Variants in ADAMTS2 observed in about 807,000 individuals in gnomAD.
The protein encoded by ADAMTS2 is A disintegrin and metalloproteinase with thrombospondin motifs 2.
Under a neutral mutation model 123.0 loss-of-function variants are expected in ADAMTS2, and 50 were observed. The observed-to-expected ratio is 0.41, with a 90% CI of 0.32 to 0.51. The LOEUF (loss-of-function observed/expected upper bound fraction) is 0.51. Ranked by LOEUF, ADAMTS2 falls within the 20% of genes least tolerant of loss-of-function variation. The pLI, the probability that ADAMTS2 is intolerant of heterozygous loss-of-function variation, is 0.35. For missense variants in ADAMTS2, 1,494 were observed against 1,705.2 expected, an observed-to-expected ratio of 0.88 and a Z score of 2.18; for synonymous variants, 678 against 695.4, an observed-to-expected ratio of 0.98 and a Z score of 0.39.
rs565885690 is a variant in ADAMTS2 at position 179,345,261 on chromosome 5, A to G, written c.68T>C (p.Leu23Pro). The G allele has an allele frequency of 0.01, 9,497 of 939,412 alleles. 39 individuals are homozygous for G. The highest frequency in any genetic ancestry group is 0.025 in the Middle Eastern group (55 of 2,216). The allele number at this position is 939,412 out of a possible 1,614,324, so 58.2% of individuals were successfully genotyped here. ...CPALLLLLLL[L>P]PPPLLPPPPP... ...CGGCGGCGGCAGGAGCGGCGGCGGC[A>G]GCAGCAGCAGCAGCAGCAGCAGCGC... The change falls in exon 1 of 22, where the codon CTG (leucine) becomes CCG (proline). Residue 23 changes from leucine to proline, a missense_variant. By Grantham distance (98) the Leu-to-Pro change is moderately conservative. Transcript: ENST00000251582. This position sits in a 1 kb window ranked among gnomAD's most constrained non-coding sequence, Gnocchi z 7.5.
chr5:179,273,135 C>A (rs1581236321), intron 2 of ADAMTS2, 71 bp from the exon 3 acceptor site: 2 of 1,607,330 alleles, frequency 1.2e-6, no homozygotes, highest in East Asian at 2.2e-5. Context: ...AGCGAGGAGA[C>A]CCCCTCAGGG....
chr5:179,292,183 CG>C (rs35974959), intron 2 of ADAMTS2, among the ~76,000 whole-genome samples: 1 of 151,872 alleles, frequency 6.6e-6, no homozygotes, highest in East Asian at 1.9e-4. Flanking sequence ...CCGGCATTCC[CG>C]GGGGCAGAGA....
At chr5:179,126,285 TG>T (rs1198459514) in intron 17 of ADAMTS2, among the ~76,000 whole-genome samples, 155 bp from the exon 18 acceptor site, 1 of 152,122 alleles carries the variant, frequency 6.6e-6, no homozygotes, top group Non-Finnish European at 1.5e-5. Context: ...TGCGGCTGGC[TG>T]GGGGGAGGCC....
At chr5:179,325,244 C>A (rs1219162546) in intron 2 of ADAMTS2, among the ~76,000 whole-genome samples, 4 of 152,134 alleles carry the variant, frequency 2.6e-5, no homozygotes, top group South Asian at 4.1e-4. Flanking sequence ...TCAGGAGGGG[C>A]CTTGAATGCT....
intron 5 of ADAMTS2, among the ~76,000 whole-genome samples, chr5:179,164,062 G>A (rs946580389): frequency 1.1e-4 from 16 of 152,200 alleles, no homozygotes; most frequent in African/African-American, 3.4e-4. Flanking sequence ...AAGAAGTAGA[G>A]GAGAGGGTTA....
At chr5:179,201,068 C>T (rs1175250451) in intron 4 of ADAMTS2, among the ~76,000 whole-genome samples, 3 of 152,170 alleles carry the variant, frequency 2.0e-5, no homozygotes, top group East Asian at 1.9e-4. Flanking sequence ...AACTTATCTC[C>T]GTTGTAATTA....
At chr5:179,284,575 C>T (rs1006025578) in intron 2 of ADAMTS2, among the ~76,000 whole-genome samples, 20 of 151,890 alleles carry the variant, frequency 1.3e-4, no homozygotes, top group East Asian at 2.0e-4. Flanking sequence ...TTAGTAGAGA[C>T]GGGGTTTCGC....
chr5:179,285,696 G>A lies in ADAMTS2; in HGVS notation c.535-12632C>T, dbSNP rs1408220786. On this transcript the variant is annotated intron_variant, in intron 2 of 21. Transcript: ENST00000251582. This position sits in a 1 kb window ranked among gnomAD's most constrained non-coding sequence, Gnocchi z 4.9. ...TCTCGTTCAGCATGAAGCCCACGTCGGGGAACGTCCCCAGTCACAAATTAA... is the reference window on the plus strand; with the variant it reads ...TCTCGTTCAGCATGAAGCCCACGTCAGGGAACGTCCCCAGTCACAAATTAA... 2.0e-5 allele frequency among the ~76,000 whole-genome samples: 3 copies of A among 152,178 alleles called. No individual in the cohort carries two copies. The highest frequency in any genetic ancestry group is 1.9e-4 in the East Asian group (1 of 5,196).
At chr5:179,166,974 C>G (rs1283955276) in intron 5 of ADAMTS2, among the ~76,000 whole-genome samples, 1 of 152,194 alleles carries the variant, frequency 6.6e-6, no homozygotes, top group African/African-American at 2.4e-5. Context: ...CCCTCAGGAG[C>G]CAGGCTGGGC....
rs1015539786 is a variant in ADAMTS2, at chr5:179,191,899, G to C, written c.892-10744C>G. Among the ~76,000 whole-genome samples the C allele has an allele frequency of 5.9e-5, 9 of 152,214 alleles. No individual in the cohort carries two copies. In the East Asian group the frequency reaches 1.5e-3, roughly 26 times the overall value. Reference sequence around the variant, plus strand: ...CGCTCCAGAAGGGGGTGTGTGGGATGCAGCAGCTCCTGCTGGCGAGGGCCA... The same window carrying C: ...CGCTCCAGAAGGGGGTGTGTGGGATCCAGCAGCTCCTGCTGGCGAGGGCCA... On this transcript the variant is annotated intron_variant, in intron 4 of 21. Coordinates refer to ENST00000251582, the MANE Select transcript of ADAMTS2 (RefSeq NM_014244.5).
chr5:179,286,176 T>G (rs983797118), intron 2 of ADAMTS2, among the ~76,000 whole-genome samples: 1 of 138,206 alleles, frequency 7.2e-6, no homozygotes, highest in African/African-American at 2.8e-5. Context: ...ATCGCACCGC[T>G]GCACTCCAGC....
At chr5:179,195,728 G>A (rs903041847) in intron 4 of ADAMTS2, among the ~76,000 whole-genome samples, 1 of 152,160 alleles carries the variant, frequency 6.6e-6, no homozygotes, top group Admixed American at 6.5e-5. Context: ...GTGCAGCCTC[G>A]CACACACCAC....
intron 1 of ADAMTS2, 26 bp from the exon 2 acceptor site, chr5:179,344,187 G>A: frequency 1.3e-6 from 2 of 1,570,054 alleles, no homozygotes; most frequent in East Asian, 2.3e-5. Flanking sequence ...GCGTTAGATC[G>A]GCGGAGACCA....
rs970106649 is a variant in ADAMTS2 at position 179,158,016 on chromosome 5, G to T, written c.1132+707C>A. ...GTCTCGCACTGTCTCCCAGGCTGGA[G>T]CAAAGTGGTGCGATCTCGACTCATT... is the stretch of plus-strand genomic sequence containing the variant. On this transcript the variant is annotated intron_variant, in intron 6 of 21. Coordinates refer to ENST00000251582, the MANE Select transcript of ADAMTS2 (RefSeq NM_014244.5). This position sits in a 1 kb window ranked among gnomAD's most constrained non-coding sequence, Gnocchi z 5.0. Among the ~76,000 whole-genome samples the T allele has an allele frequency of 5.3e-5, 8 of 151,972 alleles. No homozygotes were observed. Among genetic ancestry groups the T allele is most frequent in the African/African-American group, 1.7e-4 (7 of 41,466 alleles).
chr5:179,306,185 T>C (rs1436488682), intron 2 of ADAMTS2, among the ~76,000 whole-genome samples: 1 of 147,922 alleles, frequency 6.8e-6, no homozygotes, highest in African/African-American at 2.5e-5. Context: ...TAAACCAATA[T>C]CCCTCAATGA....
chr5:179,345,438 C>G lies in ADAMTS2; in HGVS notation c.-110G>C. 1 of 941,520 alleles carries G rather than the reference C, an allele frequency of 1.1e-6. No individual in the cohort carries two copies. Among genetic ancestry groups the G allele is most frequent in the Non-Finnish European group, 1.3e-6 (1 of 785,464 alleles). The allele number at this position is 941,520 out of a possible 1,614,324, so 58.3% of individuals were successfully genotyped here. On this transcript the variant is annotated 5_prime_UTR_variant, in exon 1 of 22. Coordinates refer to ENST00000251582, the MANE Select transcript of ADAMTS2 (RefSeq NM_014244.5). The surrounding 1 kb of genome is among the most constrained non-coding windows in gnomAD (Gnocchi z 7.5). The stretch of plus-strand genomic sequence containing the variant: ...CTGGAGCCGCCCGCAGCTGCAGCAC[C>G]GCAGGGCGCGGGGCGGAGGAGGCGA...
chr5:179,246,576 T>C (rs1765805756), intron 3 of ADAMTS2, among the ~76,000 whole-genome samples: 1 of 152,192 alleles, frequency 6.6e-6, no homozygotes, highest in African/African-American at 2.4e-5. Context: ...TAGGGTGAGA[T>C]GCATGCTCAG....
intron 2 of ADAMTS2, among the ~76,000 whole-genome samples, chr5:179,294,629 C>T (rs943034427): frequency 6.6e-6 from 1 of 152,228 alleles, no homozygotes; most frequent in Non-Finnish European, 1.5e-5. Context: ...GCCCTGCCCC[C>T]GCCCCCACTG....
chr5:179,269,437 G>A (rs537355863), intron 3 of ADAMTS2, among the ~76,000 whole-genome samples: 52 of 152,266 alleles, frequency 3.4e-4, no homozygotes, highest in South Asian at 2.5e-3. Context: ...TGAAAGGCAC[G>A]TCTCACATGG....
Sources: gnomAD v4.1 joint callset for allele counts (sites outside exome capture counted in the v4.1 genomes callset) on GRCh38, gnomAD v4.1.1 for gene constraint, Gnocchi (gnomAD v3.1) non-coding constraint, MANE v1.5 for transcripts, NCBI Gene and HGNC (gene_info 2026-07-23, HGNC 2026-07-21) for gene names.